Variants in TRPC4 observed in about 807,000 individuals in gnomAD.
TRPC4 encodes the protein short transient receptor potential channel 4.
A neutral mutation model predicts 99.4 loss-of-function variants in TRPC4; 49 were observed. The ratio of observed to expected loss-of-function variants is 0.49; its 90% confidence interval spans 0.39 to 0.63. TRPC4 has a LOEUF of 0.63. Among genes scored for constraint, TRPC4 ranks in the 20% least tolerant of loss-of-function variants. TRPC4 has a pLI of 0.00. For synonymous variants in TRPC4, 454 were observed against 425.9 expected (o/e 1.07, Z -0.81); for missense variants, 898 against 1,152.9 (o/e 0.78, Z 3.20).
intron 3 of TRPC4, among the ~76,000 whole-genome samples, chr13:37,724,032 CTT>C (rs1472416249): frequency 6.6e-6 from 1 of 152,004 alleles, no homozygotes; most frequent in East Asian, 1.9e-4. Context: ...ATTGGGAAAA[CTT>C]AAATGTCCGC....
chr13:37,845,171 T>C (rs1030386607), intron 1 of TRPC4, among the ~76,000 whole-genome samples: 1 of 152,176 alleles, frequency 6.6e-6, no homozygotes, highest in Non-Finnish European at 1.5e-5. Context: ...TCATCTAGAA[T>C]TTTTAAGCTA....
chr13:37,732,482 G>T (rs1326109725), intron 3 of TRPC4, among the ~76,000 whole-genome samples: 1 of 151,664 alleles, frequency 6.6e-6, no homozygotes, highest in Non-Finnish European at 1.5e-5. Context: ...TTAGGCAAAA[G>T]AAAAAAATAA....
At chr13:37,781,758 G>A (rs1321353168) in intron 2 of TRPC4, among the ~76,000 whole-genome samples, 1 of 152,048 alleles carries the variant, frequency 6.6e-6, no homozygotes, top group East Asian at 1.9e-4. Context: ...CAAAGTCTTA[G>A]TTCAAGTAAG....
At chr13:37,786,622 C>A (rs1317838773) in intron 1 of TRPC4, among the ~76,000 whole-genome samples, 2 of 152,014 alleles carry the variant, frequency 1.3e-5, no homozygotes, top group Admixed American at 1.3e-4. Context: ...GAACAGGAGA[C>A]CCAGTATTGC....
intron 4 of TRPC4, among the ~76,000 whole-genome samples, chr13:37,682,100 A>G (rs941244688): frequency 1.3e-5 from 2 of 152,210 alleles, no homozygotes; most frequent in Admixed American, 1.3e-4. Context: ...TAACTCTGCA[A>G]ATAGATCTCC....
At chr13:37,838,963 C>A (rs1279101012) in intron 1 of TRPC4, among the ~76,000 whole-genome samples, 1 of 152,140 alleles carries the variant, frequency 6.6e-6, no homozygotes, top group Admixed American at 6.6e-5. Context: ...GACACAGCTA[C>A]TAAGAGATAG....
intron 1 of TRPC4, among the ~76,000 whole-genome samples, chr13:37,851,209 G>A (rs1959045554): frequency 6.6e-6 from 1 of 152,178 alleles, no homozygotes; most frequent in East Asian, 1.9e-4. Context: ...AGTCATTCCA[G>A]CCTGTGATTG....
At chr13:37,738,962 T>C (rs959969883) in intron 3 of TRPC4, among the ~76,000 whole-genome samples, 2 of 152,076 alleles carry the variant, frequency 1.3e-5, no homozygotes, top group African/African-American at 4.8e-5. Context: ...ACTGGGAAAG[T>C]TTTTCCTAGA....
intron 1 of TRPC4, among the ~76,000 whole-genome samples, chr13:37,796,989 T>TAAAGTAAAGTAAAGTAAAGTA (rs1379177961): frequency 6.7e-6 from 1 of 148,294 alleles, no homozygotes; most frequent in Non-Finnish European, 1.5e-5. Flanking sequence ...TAAAGTAAAG[T>TAAAGTAAAGTAAAGTAAAGTA]AAAGTAAAGT....
intron 1 of TRPC4, among the ~76,000 whole-genome samples, chr13:37,820,054 CAA>C: frequency 6.6e-6 from 1 of 151,356 alleles, no homozygotes; most frequent in East Asian, 1.9e-4. Context: ...ACTAGCTAGA[CAA>C]AGATATAAAA....
chr13:37,861,877 C>G (rs1959361034), intron 1 of TRPC4, among the ~76,000 whole-genome samples: 4 of 151,470 alleles, frequency 2.6e-5, no homozygotes, highest in Admixed American at 2.6e-4. Context: ...GGTAGGCACT[C>G]TAATTATTTT....
chr13:37,643,913 T>C (rs1246954157), intron 8 of TRPC4, among the ~76,000 whole-genome samples: 1 of 152,164 alleles, frequency 6.6e-6, no homozygotes, highest in Non-Finnish European at 1.5e-5. Context: ...ATATGGTGTT[T>C]TTCTTGGGTC....
At chr13:37,827,778 C>T (rs1159292853) in intron 1 of TRPC4, among the ~76,000 whole-genome samples, 1 of 152,244 alleles carries the variant, frequency 6.6e-6, no homozygotes, top group Non-Finnish European at 1.5e-5. Flanking sequence ...GGCAGGCCTC[C>T]TTGAGCTGTG....
chr13:37,748,908 T>C (rs1955858205), intron 2 of TRPC4, among the ~76,000 whole-genome samples: 1 of 152,138 alleles, frequency 6.6e-6, no homozygotes, highest in Non-Finnish European at 1.5e-5. Flanking sequence ...CACTGGTTTG[T>C]TGAATGGTCA....
chr13:37,733,319 G>C (rs2139094367), intron 3 of TRPC4, among the ~76,000 whole-genome samples: 1 of 152,190 alleles, frequency 6.6e-6, no homozygotes, highest in East Asian at 1.9e-4. Context: ...TGCATTCTAT[G>C]GGTCATGCAG....
chr13:37,832,294 C>T (rs927758335), intron 1 of TRPC4, among the ~76,000 whole-genome samples: 2 of 152,166 alleles, frequency 1.3e-5, no homozygotes, highest in Non-Finnish European at 2.9e-5. Context: ...GTAATCCCAG[C>T]ACTTTGGGAG....
intron 2 of TRPC4, among the ~76,000 whole-genome samples, chr13:37,753,975 G>A (rs1234549384): frequency 6.6e-6 from 1 of 152,082 alleles, no homozygotes; most frequent in Admixed American, 6.6e-5. Context: ...CCGCTATGGA[G>A]AATGGGCGAT....
In TRPC4 at chr13:37,851,003, C is replaced by A. The variant is rs562450561; in HGVS notation, c.-28+18592G>T. On this transcript the variant is annotated intron_variant, in intron 1 of 10. Transcript: ENST00000379705. ...GAGAAGTAAAATGCTTATCAGAAAGCTGCTGAAAATTAGGGCAGAATATTC... is the reference window on the plus strand; with the variant it reads ...GAGAAGTAAAATGCTTATCAGAAAGATGCTGAAAATTAGGGCAGAATATTC... Among the ~76,000 whole-genome samples, 5 of 152,308 alleles carry A rather than the reference C, an allele frequency of 3.3e-5. No individual in the cohort carries two copies. The East Asian group carries it at 9.6e-4, about 29-fold the overall frequency.
intron 2 of TRPC4, among the ~76,000 whole-genome samples, chr13:37,760,941 C>T (rs1466916558): frequency 6.6e-6 from 1 of 151,844 alleles, no homozygotes; most frequent in Non-Finnish European, 1.5e-5. Context: ...TATTGGAAGC[C>T]TATTTTCTGT....
Sources: gnomAD v4.1 joint callset for allele counts (sites outside exome capture counted in the v4.1 genomes callset) on GRCh38, gnomAD v4.1.1 for gene constraint, MANE v1.5 for transcripts, NCBI Gene and HGNC (gene_info 2026-07-23, HGNC 2026-07-21) for gene names.